Variants in TOR1AIP1 observed in about 807,000 individuals in gnomAD.
TOR1AIP1 encodes the protein torsin-1A-interacting protein 1.
TOR1AIP1 carries 54 observed loss-of-function variants against 63.3 expected under a neutral mutation model. The observed-to-expected ratio is 0.85, with a 90% CI of 0.69 to 1.07. The LOEUF (loss-of-function observed/expected upper bound fraction) is 1.07, where lower values mean the gene tolerates loss of function less well. TOR1AIP1 is among the 50% of genes least tolerant of loss of function. The probability of loss-of-function intolerance (pLI) is 0.00; values close to 1 mark genes in which losing one functional copy is unlikely to be tolerated. For missense variants in TOR1AIP1, 736 were observed against 715.0 expected (o/e 1.03, Z -0.33); for synonymous variants, 294 against 273.5 (o/e 1.07, Z -0.74).
intron 3 of TOR1AIP1, among the ~76,000 whole-genome samples, chr1:179,892,084 C>T (rs1648099431): frequency 1.3e-5 from 2 of 152,088 alleles, no homozygotes; most frequent in Admixed American, 1.3e-4. Context: ...GAAGATGAGC[C>T]AAAAGGGAAA....
chr1:179,893,904 A>C (rs1375494717), intron 3 of TOR1AIP1, among the ~76,000 whole-genome samples: 2 of 152,222 alleles, frequency 1.3e-5, no homozygotes, highest in Non-Finnish European at 2.9e-5. Flanking sequence ...CAAAGCTTAA[A>C]ATATCTACTA....
intron 9 of TOR1AIP1, 56 bp from the exon 10 acceptor site, chr1:179,917,396 C>A: frequency 6.9e-7 from 1 of 1,448,494 alleles, no homozygotes; most frequent in Non-Finnish European, 9.4e-7. Context: ...AAGTCACTTG[C>A]CCCTGAATCT....
Position 179,882,843 on chromosome 1 carries a change from C to T in TOR1AIP1, c.341C>T (p.Pro114Leu), listed in dbSNP as rs1031009039. 3 of 1,614,146 alleles carry T rather than the reference C, an allele frequency of 1.9e-6. No homozygotes were observed. The highest frequency in any genetic ancestry group is 3.3e-5 in the Admixed American group (2 of 60,028). ...YYLRSRQRRQ[P>L]RPQETEEMKT... ...CTTCGGTCTAGGCAGCGGAGGCAGC[C>T]GCGACCCCAGGAAACCGAGGAAATG... The change falls in exon 1 of 10, where the codon CCG becomes CTG. Residue 114 changes from proline (P) to leucine (L), a missense_variant. This residue lies in a region of TOR1AIP1 where 464 missense variants were observed against 371.0 expected (regional missense o/e 1.25). Coordinates refer to ENST00000606911, the MANE Select transcript of TOR1AIP1 (RefSeq NM_015602.4).
Position 179,882,594 on chromosome 1 carries a change from G to A in TOR1AIP1, c.92G>A (p.Arg31Gln). 3 of 1,525,228 alleles carry A rather than the reference G, an allele frequency of 2.0e-6. No homozygotes were observed. Among genetic ancestry groups the A allele is most frequent in the Non-Finnish European group, 2.6e-6 (3 of 1,139,046 alleles). 94.5% of individuals were successfully genotyped at this position (1,525,228 alleles called of 1,614,324 possible). A position where few individuals can be genotyped will look rare whatever the true frequency, so the allele number is the denominator to read the frequency against. Residue 31 changes from arginine to glutamine, a missense_variant, in exon 1 of 10, where the codon CGG becomes CAG. This residue lies in a region of TOR1AIP1 where 464 missense variants were observed against 371.0 expected (regional missense o/e 1.25). Coordinates refer to ENST00000606911, the MANE Select transcript of TOR1AIP1 (RefSeq NM_015602.4). ...PRAPIREGRGRLAPQNGGSSD... is the reference protein window; with the variant it reads ...PRAPIREGRGQLAPQNGGSSD... ...GCCCCCATCCGAGAGGGAAGGGGCC[G>A]GCTCGCCCCTCAAAATGGCGGCAGC... is the stretch of plus-strand genomic sequence containing the variant.
chr1:179,895,312 T>A (rs1648227504), intron 3 of TOR1AIP1, among the ~76,000 whole-genome samples: 1 of 152,182 alleles, frequency 6.6e-6, no homozygotes, highest in Non-Finnish European at 1.5e-5. Context: ...ATACCTTTTT[T>A]AAAAAAGTAT....
chr1:179,887,106 A>C (rs749219827), intron 2 of TOR1AIP1, among the ~76,000 whole-genome samples: 1 of 152,166 alleles, frequency 6.6e-6, no homozygotes. Context: ...TGCCCTTACG[A>C]ATAAAGACCT....
chr1:179,882,657 A>G lies in TOR1AIP1; in HGVS notation c.155A>G (p.Gln52Arg), dbSNP rs139690983. ...GCGTACAGAACTCCTCCGTCGCGCC[A>G]GGGCCGGCGGGAAGTGAGGTTCTCG... is the stretch of plus-strand genomic sequence containing the variant. ...APAYRTPPSR[Q>R]GRREVRFSDE... is the part of the protein sequence containing the mutation. Residue 52 changes from glutamine to arginine, a missense_variant, in exon 1 of 10, where the codon CAG (glutamine) becomes CGG (arginine). Around this residue, in one of 2 missense-constraint regions of TOR1AIP1, gnomAD observed 464 missense variants for 371.0 expected, o/e 1.25. Coordinates refer to ENST00000606911, the MANE Select transcript of TOR1AIP1 (RefSeq NM_015602.4). The G allele has an allele frequency of 6.3e-7, 1 of 1,584,048 alleles. No homozygotes were observed. Among genetic ancestry groups the G allele is most frequent in the African/African-American group, 1.4e-5 (1 of 73,740 alleles).
chr1:179,886,413 G>A (rs1196773040), intron 2 of TOR1AIP1, among the ~76,000 whole-genome samples: 1 of 152,174 alleles, frequency 6.6e-6, no homozygotes, highest in African/African-American at 2.4e-5. Flanking sequence ...GTTGTGGCAA[G>A]AGCATTGGAC....
chr1:179,882,400 C>A lies in TOR1AIP1; in HGVS notation c.-103C>A. ...CTCGCAACTGCCTCCCTGACCACAG[C>A]GGCCACCGCCCAACACCCCCGAGAA... On this transcript the variant is annotated 5_prime_UTR_variant, in exon 1 of 10. Transcript: ENST00000606911. The A allele has an allele frequency of 8.3e-7, 1 of 1,211,162 alleles. No homozygotes were observed. The highest frequency in any genetic ancestry group is 1.1e-6 in the Non-Finnish European group (1 of 923,362). 75.0% of individuals were successfully genotyped at this position (1,211,162 alleles called of 1,614,324 possible).
chr1:179,914,333 A>G (rs1361866960), intron 9 of TOR1AIP1, among the ~76,000 whole-genome samples: 1 of 152,228 alleles, frequency 6.6e-6, no homozygotes, highest in Non-Finnish European at 1.5e-5. Context: ...TGAGAAAACC[A>G]TGCTGAATTG....
chr1:179,914,854 G>A (rs747545918), intron 9 of TOR1AIP1, among the ~76,000 whole-genome samples: 14 of 151,810 alleles, frequency 9.2e-5, no homozygotes, highest in Non-Finnish European at 1.8e-4. Flanking sequence ...TCTTGGTACC[G>A]CTTTACACTA....
chr1:179,910,295 T>G (rs1192399663), intron 8 of TOR1AIP1, among the ~76,000 whole-genome samples: 2 of 152,212 alleles, frequency 1.3e-5, no homozygotes, highest in East Asian at 3.8e-4. Context: ...TCATCAGGTA[T>G]TCTCTTACTT....
rs146110681 is a variant in TOR1AIP1 at position 179,907,702 on chromosome 1, A to G, written c.797-121A>G. 1.6e-3 allele frequency: 790 copies of G among 496,762 alleles called. 7 individuals carry two copies. Among genetic ancestry groups the G allele is most frequent in the African/African-American group, 0.015 (737 of 49,120 alleles). The allele number at this position is 496,762 out of a possible 1,614,324, so 30.8% of individuals were successfully genotyped here. A position where few individuals can be genotyped will look rare whatever the true frequency, so the allele number is the denominator to read the frequency against. On this transcript the variant is annotated intron_variant, in intron 6 of 9. Transcript: ENST00000606911. ...TTTATATGCTTGGAATTGATGAGAG[A>G]ATGTTTTTTGTCTGTTGTTTGTTTT...
chr1:179,889,193 T>A, intron 2 of TOR1AIP1, 120 bp from the exon 3 acceptor site: 1 of 665,830 alleles, frequency 1.5e-6, no homozygotes, highest in Non-Finnish European at 2.3e-6. Flanking sequence ...TCTCTACTTC[T>A]CTAGCGTAAA....
intron 9 of TOR1AIP1, among the ~76,000 whole-genome samples, chr1:179,916,788 C>A (rs1649033022): frequency 6.7e-6 from 1 of 149,070 alleles, no homozygotes; most frequent in African/African-American, 2.5e-5. Context: ...ACTGCAACCT[C>A]CGCCTCCCGT....
chr1:179,918,316 G>T lies in TOR1AIP1; in HGVS notation c.*77G>T. 1 of 1,403,952 alleles carries T rather than the reference G, an allele frequency of 7.1e-7. No homozygotes were observed. Among genetic ancestry groups the T allele is most frequent in the Non-Finnish European group, 9.5e-7 (1 of 1,052,852 alleles). The allele number at this position is 1,403,952 out of a possible 1,614,324, so 87.0% of individuals were successfully genotyped here. ...TTTCTAACCAGAGACAGAATTCAGAGCTCTTTTTGAAAGAACTAGTTTCTT... is the reference window on the plus strand; with the variant it reads ...TTTCTAACCAGAGACAGAATTCAGATCTCTTTTTGAAAGAACTAGTTTCTT... On this transcript the variant is annotated 3_prime_UTR_variant, in exon 10 of 10. Coordinates refer to ENST00000606911, the MANE Select transcript of TOR1AIP1 (RefSeq NM_015602.4).
At chr1:179,905,954 A>G (rs968273511) in intron 6 of TOR1AIP1, among the ~76,000 whole-genome samples, 2 of 152,016 alleles carry the variant, frequency 1.3e-5, no homozygotes, top group Non-Finnish European at 2.9e-5. Context: ...CTCCATCTCA[A>G]AAAAAAAGAA....
chr1:179,889,876 G>A (rs1252977838), intron 3 of TOR1AIP1, among the ~76,000 whole-genome samples: 1 of 151,970 alleles, frequency 6.6e-6, no homozygotes. Context: ...GATCTCAAAC[G>A]CCTGGGTAAG....
intron 3 of TOR1AIP1, among the ~76,000 whole-genome samples, chr1:179,891,512 C>G (rs75871483): frequency 1.3e-5 from 2 of 152,036 alleles, no homozygotes; most frequent in African/African-American, 4.8e-5. Flanking sequence ...CATGAGCCAC[C>G]ACGCCCGGCC....
Sources: gnomAD v4.1 joint callset for allele counts (sites outside exome capture counted in the v4.1 genomes callset) on GRCh38, gnomAD v4.1.1 for gene constraint, gnomAD v4.1.1 regional missense constraint, MANE v1.5 for transcripts, NCBI Gene and HGNC (gene_info 2026-07-23, HGNC 2026-07-21) for gene names.